SRP54: variants seen among roughly 807,000 people sequenced by gnomAD.
The protein encoded by SRP54 is signal recognition particle subunit SRP54.
Under a neutral mutation model 64.8 loss-of-function variants are expected in SRP54, and 10 were observed. The ratio of observed to expected loss-of-function variants is 0.15; its 90% confidence interval spans 0.10 to 0.26. The LOEUF (loss-of-function observed/expected upper bound fraction) is 0.26. Among genes scored for constraint, SRP54 ranks in the 10% least tolerant of loss-of-function variants. SRP54 has a pLI of 1.00. For synonymous variants in SRP54, 193 were observed against 185.6 expected (o/e 1.04, Z -0.32); for missense variants, 325 against 613.7 (o/e 0.53, Z 4.97).
At chr14:34,988,640 A>C (rs2043940961) in intron 1 of SRP54, among the ~76,000 whole-genome samples, 1 of 142,078 alleles carries the variant, frequency 7.0e-6, no homozygotes, top group Non-Finnish European at 1.5e-5. Context: ...TACAATACCT[A>C]TAGGCCATTT....
chr14:34,994,251 G>A (rs771786096), intron 1 of SRP54, among the ~76,000 whole-genome samples: 4 of 151,962 alleles, frequency 2.6e-5, no homozygotes, highest in Admixed American at 6.6e-5. Flanking sequence ...CACCCACCTC[G>A]GCCTCCCAAA....
chr14:34,990,061 A>G (rs2043957461), intron 1 of SRP54, among the ~76,000 whole-genome samples: 1 of 152,158 alleles, frequency 6.6e-6, no homozygotes, highest in Admixed American at 6.6e-5. Flanking sequence ...AGTAAGTGTG[A>G]TACTTGGCCC....
intron 4 of SRP54, among the ~76,000 whole-genome samples, chr14:35,005,840 T>TTTTTTG (rs2138992947): frequency 6.6e-6 from 1 of 152,326 alleles, no homozygotes; most frequent in East Asian, 1.9e-4. Context: ...TCCCATGCTT[T>TTTTTTG]TTTTTGTTTT....
chr14:34,999,002 TGTGTGTGTGTG>T (rs2044124567), intron 2 of SRP54, among the ~76,000 whole-genome samples: 2 of 82,664 alleles, frequency 2.4e-5, no homozygotes, highest in African/African-American at 7.6e-5. Flanking sequence ...TGTGTGTGTG[TGTGTGTGTGTG>T]GTTTTTTTTT....
At chr14:35,010,894 G>A (rs2044346279) in intron 7 of SRP54, among the ~76,000 whole-genome samples, 1 of 152,124 alleles carries the variant, frequency 6.6e-6, no homozygotes, top group African/African-American at 2.4e-5. Context: ...AAGGTTATGT[G>A]TTACAGAAAT....
intron 3 of SRP54, among the ~76,000 whole-genome samples, chr14:35,000,045 CTT>C (rs1018480241): frequency 5.9e-5 from 9 of 151,996 alleles, no homozygotes; most frequent in African/African-American, 2.2e-4. Flanking sequence ...ACTGTATTCT[CTT>C]TTGTTCTCCT....
At chr14:34,986,811 A>G (rs982969415) in intron 1 of SRP54, among the ~76,000 whole-genome samples, 2 of 152,030 alleles carry the variant, frequency 1.3e-5, no homozygotes, top group African/African-American at 2.4e-5. Flanking sequence ...CTCGGAGGGC[A>G]GAGGTTGCAG....
intron 4 of SRP54, among the ~76,000 whole-genome samples, chr14:35,002,494 A>G (rs563135574): frequency 6.7e-6 from 1 of 150,260 alleles, no homozygotes; most frequent in South Asian, 2.1e-4. Flanking sequence ...GTGCAATGGC[A>G]TGATCTCTGC....
At chr14:34,991,127 T>TTGTTG (rs11405252) in intron 1 of SRP54, among the ~76,000 whole-genome samples, 115 of 123,190 alleles carry the variant, frequency 9.3e-4, no homozygotes, top group African/African-American at 2.7e-3. Flanking sequence ...TTTTTTTTTT[T>TTGTTG]TTGTTGTTGT....
intron 9 of SRP54, 115 bp downstream of exon 9, chr14:35,013,609 T>A: frequency 7.7e-7 from 1 of 1,292,594 alleles, no homozygotes; most frequent in Non-Finnish European, 1.1e-6. Context: ...CCTAATATGG[T>A]TTATAAAGAA....
chr14:35,011,682 C>T, intron 8 of SRP54, 23 bp downstream of exon 8: 1 of 1,484,364 alleles, frequency 6.7e-7, no homozygotes, highest in Middle Eastern at 2.0e-4. Context: ...CAATGTAACA[C>T]TATTATTAGG....
At chr14:35,023,293 GA>G (rs919974159) in intron 14 of SRP54, among the ~76,000 whole-genome samples, 86 of 149,236 alleles carry the variant, frequency 5.8e-4, no homozygotes, top group African/African-American at 1.6e-3. Flanking sequence ...GTGGGTAAAT[GA>G]AAAAAAATTA....
intron 11 of SRP54, among the ~76,000 whole-genome samples, chr14:35,018,193 C>A (rs1292362556): frequency 1.3e-5 from 2 of 152,152 alleles, no homozygotes; most frequent in Non-Finnish European, 2.9e-5. Flanking sequence ...TGTAGTTGTA[C>A]TTATCTATAG....
intron 9 of SRP54, 97 bp from the exon 10 acceptor site, chr14:35,013,705 T>A (rs2044390344): frequency 8.5e-7 from 1 of 1,175,742 alleles, no homozygotes; most frequent in Non-Finnish European, 1.2e-6. Context: ...TACCTTTGTC[T>A]AATTAGCTTT....
chr14:35,002,243 A>G (rs1275616952), intron 4 of SRP54, among the ~76,000 whole-genome samples: 2 of 150,996 alleles, frequency 1.3e-5, no homozygotes, highest in African/African-American at 4.9e-5. Context: ...AGTTCCAGCT[A>G]CTCCGGAGGG....
intron 14 of SRP54, among the ~76,000 whole-genome samples, chr14:35,026,868 G>C (rs1404269164): frequency 6.6e-6 from 1 of 152,040 alleles, no homozygotes; most frequent in Non-Finnish European, 1.5e-5. Context: ...GTGTGAACCC[G>C]GGAGGCGGGG....
chr14:35,005,071 CCTGTAAT>C (rs2044235322), intron 4 of SRP54, among the ~76,000 whole-genome samples: 1 of 152,204 alleles, frequency 6.6e-6, no homozygotes, highest in Non-Finnish European at 1.5e-5. Context: ...GTGGCTTATA[CCTGTAAT>C]CTCAGCACTT....
Position 35,018,488 on chromosome 14 carries a change from C to G in SRP54, c.974-204C>G, listed in dbSNP as rs148227334. Reference sequence around the variant, plus strand: ...CTTCTCAGATAGAATGTAAGCTTCTCTATGATAGGACCTGTCTTTGTCTAT... The same window carrying G: ...CTTCTCAGATAGAATGTAAGCTTCTGTATGATAGGACCTGTCTTTGTCTAT... On this transcript the variant is annotated intron_variant, in intron 11 of 15. Transcript: ENST00000216774. 1,268 of 503,904 alleles carry G rather than the reference C, an allele frequency of 2.5e-3. 19 individuals carry two copies. Among genetic ancestry groups the G allele is most frequent in the African/African-American group, 0.022 (1,140 of 51,348 alleles). 31.2% of individuals were successfully genotyped at this position (503,904 alleles called of 1,614,324 possible).
intron 14 of SRP54, among the ~76,000 whole-genome samples, chr14:35,025,563 A>G (rs903731920): frequency 6.6e-6 from 1 of 152,210 alleles, no homozygotes; most frequent in African/African-American, 2.4e-5. Flanking sequence ...TGATCCCTCA[A>G]TAAAGGAATA....
Sources: allele counts gnomAD v4.1 joint callset (sites outside exome capture counted in the v4.1 genomes callset), GRCh38; gene constraint gnomAD v4.1.1; transcripts MANE v1.5; gene names NCBI Gene and HGNC (gene_info 2026-07-23, HGNC 2026-07-21).